Variants in ECT2 observed in about 807,000 individuals in gnomAD.
ECT2 encodes protein ECT2.
ECT2 carries 61 observed loss-of-function variants against 116.9 expected under a neutral mutation model. That is an observed-to-expected ratio of 0.52 (90% CI 0.42 to 0.65). The LOEUF is 0.65. ECT2 is among the 30% of genes least tolerant of loss of function. ECT2 has a pLI of 0.00. For synonymous variants in ECT2, 358 were observed against 346.4 expected, an observed-to-expected ratio of 1.03 and a Z score of -0.37; for missense variants, 937 against 1,078.7, an observed-to-expected ratio of 0.87 and a Z score of 1.84.
intron 22 of ECT2, among the ~76,000 whole-genome samples, chr3:172,814,168 A>G (rs930356410): frequency 2.6e-5 from 4 of 152,090 alleles, no homozygotes; most frequent in African/African-American, 9.7e-5. Flanking sequence ...TTCAAATGAC[A>G]AAATTAGGGA....
chr3:172,758,330 A>C (rs537097780), intron 5 of ECT2, among the ~76,000 whole-genome samples: 1 of 152,264 alleles, frequency 6.6e-6, no homozygotes, highest in Admixed American at 6.5e-5. Context: ...GTTAACCTTT[A>C]ATTCTCTTAC....
chr3:172,760,949 G>A lies in ECT2; in HGVS notation c.685-661G>A, dbSNP rs546187016. Among the ~76,000 whole-genome samples the A allele has an allele frequency of 5.5e-4, 83 of 152,016 alleles. 1 individual carries two copies. In the Middle Eastern group the frequency reaches 0.017, roughly 31 times the overall value. ...TTGGCCAGGGTGGTCTCAAACTCCC[G>A]ACCTCAGGTGATCTGCCTGCCTCGG... On this transcript the variant is annotated intron_variant, in intron 7 of 24. Transcript: ENST00000392692.
chr3:172,770,449 C>T (rs1241580365), intron 13 of ECT2, among the ~76,000 whole-genome samples: 6 of 152,152 alleles, frequency 3.9e-5, no homozygotes, highest in Non-Finnish European at 4.4e-5. Flanking sequence ...AGTATAAACT[C>T]ATCAAAGGTT....
chr3:172,766,635 A>C (rs746135045), intron 12 of ECT2, among the ~76,000 whole-genome samples: 3 of 152,248 alleles, frequency 2.0e-5, no homozygotes, highest in Non-Finnish European at 4.4e-5. Flanking sequence ...AGATGAAGGC[A>C]AATTACTAAT....
chr3:172,796,689 G>T (rs1725709551), intron 18 of ECT2: 1 of 152,010 alleles, frequency 6.6e-6, no homozygotes, highest in South Asian at 2.1e-4. Context: ...ATTTATTGGA[G>T]ATAGTCTCAC....
rs5854485 is a variant in ECT2, at chr3:172,778,588, C to CTTTTTTTT, written c.1549-3557_1549-3550dup. 1.8e-4 allele frequency among the ~76,000 whole-genome samples: 11 copies of CTTTTTTTT among 59,810 alleles called. 1 individual carries two copies. The highest frequency in any genetic ancestry group is 4.8e-4 in the African/African-American group (8 of 16,750). The allele number at this position is 59,810 out of a possible 152,430, so 39.2% of individuals were successfully genotyped here. On this transcript the variant is annotated intron_variant, in intron 14 of 24. Coordinates refer to ENST00000392692, the MANE Select transcript of ECT2 (RefSeq NM_001258315.2). ...ACTTAGTTCCTGAGCTATTAGCTATCTTTTTTTTTTTTTTTTTTTTTTTTT... is the reference window on the plus strand; with the variant it reads ...ACTTAGTTCCTGAGCTATTAGCTATCTTTTTTTTTTTTTTTTTTTTTTTTTTTTTTTTT...
At chr3:172,814,293 A>G (rs748826048) in intron 22 of ECT2, among the ~76,000 whole-genome samples, 1 of 152,150 alleles carries the variant, frequency 6.6e-6, no homozygotes, top group Admixed American at 6.6e-5. Context: ...TTTCATTTCA[A>G]AGTACTTCTA....
the ECT2 span, chr3:172,829,254 CTCT>C: frequency 3.7e-6 from 1 of 270,300 alleles, no homozygotes; most frequent in Non-Finnish European, 7.2e-6. Flanking sequence ...GAAATAAAAT[CTCT>C]TCTTCACATT....
intron 18 of ECT2, among the ~76,000 whole-genome samples, chr3:172,797,322 A>ACCATG (rs546994477): frequency 1.0e-3 from 152 of 152,138 alleles, no homozygotes; most frequent in African/African-American, 3.6e-3. Context: ...AATGTAAGCC[A>ACCATG]CCATGCCCTG....
At chr3:172,801,492 T>C (rs1236632685) in intron 18 of ECT2, among the ~76,000 whole-genome samples, 2 of 152,196 alleles carry the variant, frequency 1.3e-5, no homozygotes, top group Non-Finnish European at 2.9e-5. Context: ...TAACGTGTCT[T>C]CCCTAACCTC....
intron 14 of ECT2, among the ~76,000 whole-genome samples, chr3:172,778,496 A>G (rs542240977): frequency 3.9e-5 from 6 of 152,038 alleles, no homozygotes; most frequent in East Asian, 3.9e-4. Flanking sequence ...CTGAGTTTCA[A>G]TACTGGTTCA....
chr3:172,816,854 T>C lies in ECT2; in HGVS notation c.2655+17T>C. On this transcript the variant is annotated intron_variant, in intron 24 of 24. Transcript: ENST00000392692. ...TCATTAGCAGTAAGTTATTTTGATT[T>C]AATGGGGTAAATGACTTATTTATGA... is the stretch of plus-strand genomic sequence containing the variant. The C allele has an allele frequency of 6.5e-7, 1 of 1,535,956 alleles. No individual in the cohort carries two copies. Among genetic ancestry groups the C allele is most frequent in the South Asian group, 1.3e-5 (1 of 78,594 alleles).
intron 7 of ECT2, among the ~76,000 whole-genome samples, 156 bp from the exon 8 acceptor site, chr3:172,761,454 T>C (rs1419895769): frequency 6.6e-6 from 1 of 152,182 alleles, no homozygotes; most frequent in Non-Finnish European, 1.5e-5. Flanking sequence ...CTAACTTGTA[T>C]GATTGGAAGA....
chr3:172,774,382 T>C (rs759933527), intron 14 of ECT2, among the ~76,000 whole-genome samples: 2 of 152,078 alleles, frequency 1.3e-5, no homozygotes, highest in Non-Finnish European at 2.9e-5. Flanking sequence ...ATTTTTTTTG[T>C]AGAGATGGGT....
intron 13 of ECT2, among the ~76,000 whole-genome samples, chr3:172,771,041 A>C (rs1206980673): frequency 2.0e-5 from 3 of 152,172 alleles, no homozygotes; most frequent in Non-Finnish European, 4.4e-5. Context: ...ATCGAAGTGA[A>C]CTTTTTTTTC....
intron 15 of ECT2, among the ~76,000 whole-genome samples, 187 bp downstream of exon 15, chr3:172,782,418 T>C (rs776018451): frequency 3.3e-5 from 5 of 152,216 alleles, no homozygotes; most frequent in Admixed American, 6.5e-5. Context: ...TTTAACACTT[T>C]AGTAGCCCAA....
At position 172,754,511 on chromosome 3, in the gene ECT2, G is replaced by A; in HGVS notation, c.-20G>A. 1 of 1,572,292 alleles carries A rather than the reference G, an allele frequency of 6.4e-7. No homozygotes were observed. The highest frequency in any genetic ancestry group is 8.6e-7 in the Non-Finnish European group (1 of 1,162,504). On this transcript the variant is annotated splice_region_variant and 5_prime_UTR_variant, in exon 2 of 25. Coordinates refer to ENST00000392692, the MANE Select transcript of ECT2 (RefSeq NM_001258315.2). ...TTATTCAAATTTTATTTTTTCAGCT[G>A]ATTTAGAAGAATACAAATCATGGCT...
At chr3:172,771,712 G>A (rs1720669439) in intron 13 of ECT2, among the ~76,000 whole-genome samples, 1 of 152,212 alleles carries the variant, frequency 6.6e-6, no homozygotes, top group South Asian at 2.1e-4. Context: ...TTCAAGAGGG[G>A]AAATTGGGGA....
rs1482046207 is a variant in ECT2, at chr3:172,769,029, GTCT to G, written c.1318_1320del (p.Ser440del). On this transcript the variant is annotated inframe_deletion, in exon 13 of 25. Coordinates refer to ENST00000392692, the MANE Select transcript of ECT2 (RefSeq NM_001258315.2). ...CAGACACCCCAAAGTCTTGTACTAA[GTCT>G]TCTAAAAGCTCCACTCCAGTTCCTT... 6.2e-7 allele frequency: 1 copy of G among 1,612,646 alleles called. No individual in the cohort carries two copies. The highest frequency in any genetic ancestry group is 1.3e-5 in the African/African-American group (1 of 74,886).
Sources: gnomAD v4.1 joint callset for allele counts (sites outside exome capture counted in the v4.1 genomes callset) on GRCh38, gnomAD v4.1.1 for gene constraint, MANE v1.5 for transcripts, NCBI Gene and HGNC (gene_info 2026-07-23, HGNC 2026-07-21) for gene names.